C9orf153: variants seen among roughly 807,000 people sequenced by gnomAD.
C9orf153 encodes the protein uncharacterized protein C9orf153.
In C9orf153, 10 loss-of-function variants were observed where a neutral mutation model predicts 9.0. The ratio of observed to expected loss-of-function variants is 1.11; its 90% CI spans 0.69 to 1.89. The LOEUF is 1.89. Among genes scored for constraint, C9orf153 ranks in the 40% most tolerant of loss-of-function variants. C9orf153 has a pLI of 0.00. For synonymous variants in C9orf153, 35 were observed against 37.3 expected (o/e 0.94, Z 0.23); for missense variants, 108 against 111.0 (o/e 0.97, Z 0.12).
At chr9:86,223,536 C>T (rs1824251110) in intron 3 of C9orf153, among the ~76,000 whole-genome samples, 1 of 152,128 alleles carries the variant, frequency 6.6e-6, no homozygotes, top group Non-Finnish European at 1.5e-5. Flanking sequence ...GCTTACTCCA[C>T]ACGCATTGCA....
chr9:86,247,567 C>G (rs533385312), intron 1 of C9orf153, among the ~76,000 whole-genome samples: 10 of 152,190 alleles, frequency 6.6e-5, no homozygotes, highest in African/African-American at 2.4e-4. Context: ...ATAGTCCCAG[C>G]TACATGTGAG....
chr9:86,224,833 G>A (rs893292381), intron 3 of C9orf153, among the ~76,000 whole-genome samples: 7 of 150,786 alleles, frequency 4.6e-5, no homozygotes, highest in Non-Finnish European at 7.4e-5. Context: ...CAGCTACATG[G>A]GAGAGGCTGA....
At chr9:86,227,524 G>A in intron 3 of C9orf153, 1 of 1,363,530 alleles carries the variant, frequency 7.3e-7, no homozygotes, top group Non-Finnish European at 9.4e-7. Flanking sequence ...CTCCCACATG[G>A]CCTCATCTGT....
intron 1 of C9orf153, among the ~76,000 whole-genome samples, chr9:86,250,741 C>T (rs1407976376): frequency 1.3e-5 from 2 of 151,940 alleles, no homozygotes; most frequent in Non-Finnish European, 2.9e-5. Flanking sequence ...AGAAACTCTA[C>T]TGGTTTATTA....
In C9orf153 at chr9:86,240,717, T is replaced by C. The variant is rs1399885762; in HGVS notation, c.-26-11088A>G. Among the ~76,000 whole-genome samples, 402 of 144,482 alleles carry C rather than the reference T, an allele frequency of 2.8e-3. 6 individuals are homozygous for C. The highest frequency in any genetic ancestry group is 9.6e-3 in the African/African-American group (380 of 39,730). The allele number at this position is 144,482 out of a possible 152,430, so 94.8% of individuals were successfully genotyped here. On this transcript the variant is annotated intron_variant, in intron 1 of 3. Coordinates refer to ENST00000339137, the MANE Select transcript of C9orf153 (RefSeq NM_001276366.4). ...TTTCTTTTTCTTTTTCTTTTTTTTT[T>C]TTTTTTTTTGAGATGGAGTCTCCCT...
At chr9:86,257,300 T>C (rs1825140576) in intron 1 of C9orf153, among the ~76,000 whole-genome samples, 1 of 152,210 alleles carries the variant, frequency 6.6e-6, no homozygotes, top group Non-Finnish European at 1.5e-5. Flanking sequence ...CTGGGTTCCA[T>C]GCTTTGGGAA....
chr9:86,226,318 A>G (rs963156992), intron 3 of C9orf153, among the ~76,000 whole-genome samples: 3 of 151,004 alleles, frequency 2.0e-5, no homozygotes, highest in African/African-American at 4.9e-5. Context: ...TGCCTCTCCC[A>G]TTACTTTTTT....
intron 1 of C9orf153, among the ~76,000 whole-genome samples, chr9:86,233,486 G>A (rs1036620285): frequency 3.3e-5 from 5 of 151,872 alleles, no homozygotes; most frequent in South Asian, 2.1e-4. Context: ...GCGCAGTCTC[G>A]GCTCACTGCA....
In C9orf153 at chr9:86,237,977, C is replaced by G. The variant is rs771525443; in HGVS notation, c.-26-8348G>C. 2.0e-5 allele frequency among the ~76,000 whole-genome samples: 3 copies of G among 151,896 alleles called. No homozygotes were observed. In the East Asian group the frequency reaches 5.8e-4, roughly 29 times the overall value. ...GCACCTGTAGTTAGTCCCAGCTACT[C>G]GGGAGGCTGAGGCAGGAGAATAGCT... On this transcript the variant is annotated intron_variant, in intron 1 of 3. Transcript: ENST00000339137.
At chr9:86,255,361 C>A (rs1402820918) in intron 1 of C9orf153, among the ~76,000 whole-genome samples, 3 of 152,204 alleles carry the variant, frequency 2.0e-5, no homozygotes, top group Admixed American at 6.5e-5. Flanking sequence ...AGTAGCCCTG[C>A]AAAGTTGTCT....
Position 86,221,135 on chromosome 9 carries a change from T to G in C9orf153, c.*553A>C, listed in dbSNP as rs1824191075. On this transcript the variant is annotated 3_prime_UTR_variant, in exon 4 of 4. Coordinates refer to ENST00000339137, the MANE Select transcript of C9orf153 (RefSeq NM_001276366.4). ...TCATATTGATCTCTATATGCTCAGATGTTAATTTGTTTGTTGAATGTACCA... is the reference window on the plus strand; with the variant it reads ...TCATATTGATCTCTATATGCTCAGAGGTTAATTTGTTTGTTGAATGTACCA... 1.3e-5 allele frequency: 2 copies of G among 152,228 alleles called. No homozygotes were observed. 9.4% of individuals were successfully genotyped at this position (152,228 alleles called of 1,614,324 possible).
chr9:86,236,115 T>C (rs901380781), intron 1 of C9orf153, among the ~76,000 whole-genome samples: 11 of 151,938 alleles, frequency 7.2e-5, no homozygotes, highest in Non-Finnish European at 1.2e-4. Flanking sequence ...TTGCTATAAA[T>C]AGCAAAGATA....
At chr9:86,257,464 C>A (rs1035555351) in intron 1 of C9orf153, among the ~76,000 whole-genome samples, 1 of 152,174 alleles carries the variant, frequency 6.6e-6, no homozygotes, top group African/African-American at 2.4e-5. Flanking sequence ...AAGACATCTG[C>A]CCCTTTTTCA....
intron 1 of C9orf153, among the ~76,000 whole-genome samples, chr9:86,234,076 T>C (rs1157088196): frequency 6.6e-6 from 1 of 152,024 alleles, no homozygotes; most frequent in African/African-American, 2.4e-5. Flanking sequence ...AGTGAGACTC[T>C]GTCTCAAAAA....
intron 1 of C9orf153, among the ~76,000 whole-genome samples, chr9:86,243,182 A>G (rs777694379): frequency 6.6e-6 from 1 of 152,176 alleles, no homozygotes; most frequent in Non-Finnish European, 1.5e-5. Flanking sequence ...TCGAGTTACT[A>G]TTGTACTCAG....
intron 3 of C9orf153, among the ~76,000 whole-genome samples, chr9:86,223,252 C>T (rs993804057): frequency 6.6e-6 from 1 of 152,030 alleles, no homozygotes; most frequent in Non-Finnish European, 1.5e-5. Context: ...ACCCACCTAC[C>T]TCGGCCTCCC....
At chr9:86,245,287 A>G (rs1193651313) in intron 1 of C9orf153, among the ~76,000 whole-genome samples, 1 of 152,152 alleles carries the variant, frequency 6.6e-6, no homozygotes, top group African/African-American at 2.4e-5. Flanking sequence ...AAAATTTACC[A>G]TCATAACCAT....
At chr9:86,246,398 T>C (rs931217814) in intron 1 of C9orf153, among the ~76,000 whole-genome samples, 1 of 152,142 alleles carries the variant, frequency 6.6e-6, no homozygotes, top group African/African-American at 2.4e-5. Context: ...CAGCTTGGAC[T>C]TCCTAAGCCA....
intron 1 of C9orf153, among the ~76,000 whole-genome samples, chr9:86,247,469 C>T (rs564436760): frequency 2.6e-5 from 4 of 152,168 alleles, no homozygotes; most frequent in Admixed American, 2.6e-4. Flanking sequence ...ATTGCTTGAG[C>T]CCCAGATTTT....
Sources: allele counts gnomAD v4.1 joint callset (sites outside exome capture counted in the v4.1 genomes callset), GRCh38; gene constraint gnomAD v4.1.1; transcripts MANE v1.5; gene names NCBI Gene and HGNC (gene_info 2026-07-23, HGNC 2026-07-21).